The following ADAMTSL1 variants were observed in gnomAD, a reference collection of about 807,000 sequenced individuals.
The protein encoded by ADAMTSL1 is ADAMTS like 1, also known as ADAMTS-like protein 1.
Under a neutral mutation model 201.8 loss-of-function variants are expected in ADAMTSL1, and 126 were observed. The observed-to-expected ratio is 0.62, with a 90% CI of 0.54 to 0.72. The LOEUF (loss-of-function observed/expected upper bound fraction) is 0.72, where lower values mean the gene tolerates loss of function less well. ADAMTSL1 is among the 30% of genes least tolerant of loss of function. The probability of loss-of-function intolerance (pLI) is 0.00; values close to 1 mark genes in which losing one functional copy is unlikely to be tolerated. For missense variants in ADAMTSL1, 2,679 were observed against 2,277.8 expected (o/e 1.18, Z -3.59); for synonymous variants, 1,121 against 903.4 (o/e 1.24, Z -4.32).
chr9:18,107,090 A>G (rs1250682135), intron 1 of ADAMTSL1, among the ~76,000 whole-genome samples: 2 of 152,050 alleles, frequency 1.3e-5, no homozygotes, highest in East Asian at 3.8e-4. Context: ...CTTTTCTTAT[A>G]TCTGTTATTA....
At chr9:18,907,856 T>C (rs1432583065) in intron 28 of ADAMTSL1, 1 of 163,608 alleles carries the variant, frequency 6.1e-6, no homozygotes, top group Non-Finnish European at 1.3e-5. Flanking sequence ...AACACTGAAC[T>C]AGAACGTCCT....
chr9:18,423,467 C>G (rs750036989), intron 2 of ADAMTSL1, among the ~76,000 whole-genome samples: 2 of 152,160 alleles, frequency 1.3e-5, no homozygotes, highest in Non-Finnish European at 2.9e-5. Context: ...TACTCAGTCT[C>G]TTTCTTTGGT....
Position 18,706,758 on chromosome 9 carries a change from A to AGGCCTGGTC in ADAMTSL1, c.1593_1601dup (p.Trp531_Ala533dup). ...CTTGCCGACTGCAGGTTCATCCCAG[A>AGGCCTGGTC]GGCCTGGTCGGCCTGCACAGTCACC... On this transcript the variant is annotated inframe_insertion, in exon 14 of 29. Coordinates refer to ENST00000380548, the MANE Select transcript of ADAMTSL1 (RefSeq NM_001040272.6). 1 of 1,602,740 alleles carries AGGCCTGGTC rather than the reference A, an allele frequency of 6.2e-7. No homozygotes were observed. The highest frequency in any genetic ancestry group is 8.5e-7 in the Non-Finnish European group (1 of 1,174,252).
At chr9:18,626,900 T>C (rs1440291733) in intron 5 of ADAMTSL1, among the ~76,000 whole-genome samples, 1 of 150,434 alleles carries the variant, frequency 6.6e-6, no homozygotes, top group Non-Finnish European at 1.5e-5. Context: ...CCTTCCTTCC[T>C]TTCTTTCTTT....
intron 17 of ADAMTSL1, among the ~76,000 whole-genome samples, chr9:18,775,349 T>C (rs1820914022): frequency 6.6e-6 from 1 of 152,242 alleles, no homozygotes; most frequent in Non-Finnish European, 1.5e-5. Context: ...CATTTCTATG[T>C]ATGGCATTTA....
intron 2 of ADAMTSL1, among the ~76,000 whole-genome samples, chr9:18,381,361 A>G (rs543444217): frequency 6.6e-6 from 1 of 152,200 alleles, no homozygotes; most frequent in Non-Finnish European, 1.5e-5. Flanking sequence ...TGTCCCAGGT[A>G]CTGTTTGGAT....
intron 13 of ADAMTSL1, among the ~76,000 whole-genome samples, chr9:18,705,162 A>G (rs143897424): frequency 6.6e-6 from 1 of 152,272 alleles, no homozygotes; most frequent in East Asian, 1.9e-4. Flanking sequence ...CCAGATCTGA[A>G]CCATTTGCAC....
chr9:18,887,042 A>G (rs1480189479), intron 23 of ADAMTSL1, among the ~76,000 whole-genome samples: 1 of 152,204 alleles, frequency 6.6e-6, no homozygotes, highest in East Asian at 1.9e-4. Context: ...TTTAATTTTC[A>G]ATGACTTACT....
intron 2 of ADAMTSL1, among the ~76,000 whole-genome samples, chr9:18,372,047 T>A (rs1837066463): frequency 6.6e-6 from 1 of 152,226 alleles, no homozygotes; most frequent in Admixed American, 6.5e-5. Context: ...AAGATTTGGC[T>A]TGAATAACAA....
At chr9:18,391,888 G>C (rs1031588460) in intron 2 of ADAMTSL1, among the ~76,000 whole-genome samples, 1 of 130,308 alleles carries the variant, frequency 7.7e-6, no homozygotes, top group Non-Finnish European at 1.5e-5. Flanking sequence ...GCAGTGGCAT[G>C]ATCTTGGCTC....
At chr9:17,940,371 G>A (rs1411967786) in intron 1 of ADAMTSL1, among the ~76,000 whole-genome samples, 1 of 152,088 alleles carries the variant, frequency 6.6e-6, no homozygotes, top group Non-Finnish European at 1.5e-5. Context: ...GAACGGAAAG[G>A]ACAAACTTCT....
chr9:18,257,664 C>G (rs1227122187), intron 2 of ADAMTSL1, among the ~76,000 whole-genome samples: 1 of 152,154 alleles, frequency 6.6e-6, no homozygotes, highest in African/African-American at 2.4e-5. Context: ...TATCATCCAG[C>G]TATATTCTCT....
At chr9:18,568,536 C>T (rs1822083955) in intron 3 of ADAMTSL1, among the ~76,000 whole-genome samples, 2 of 152,044 alleles carry the variant, frequency 1.3e-5, no homozygotes, top group Non-Finnish European at 2.9e-5. Context: ...GGTAAATTTC[C>T]ACGTATGTTT....
intron 7 of ADAMTSL1, among the ~76,000 whole-genome samples, chr9:18,651,980 T>C (rs902315877): frequency 6.6e-6 from 1 of 152,024 alleles, no homozygotes. Flanking sequence ...TCCTATATAG[T>C]ATCTTCCCTC....
At chr9:18,270,080 G>A (rs1301221164) in intron 2 of ADAMTSL1, among the ~76,000 whole-genome samples, 1 of 151,972 alleles carries the variant, frequency 6.6e-6, no homozygotes, top group Non-Finnish European at 1.5e-5. Context: ...CATTGATTGG[G>A]GAGCTTCTAA....
chr9:18,064,210 A>G (rs1369129947), intron 1 of ADAMTSL1, among the ~76,000 whole-genome samples: 1 of 152,074 alleles, frequency 6.6e-6, no homozygotes, highest in Non-Finnish European at 1.5e-5. Flanking sequence ...TCAAAAGAGC[A>G]AGGAGAAGGG....
In ADAMTSL1 at chr9:18,651,495, A is replaced by G. The variant is rs1397441290; in HGVS notation, c.835-6144A>G. 3 of 152,268 alleles carry G rather than the reference A, an allele frequency of 2.0e-5. No individual in the cohort carries two copies. In the East Asian group the frequency reaches 5.8e-4, roughly 29 times the overall value. The allele number at this position is 152,268 out of a possible 1,614,324, so 9.4% of individuals were successfully genotyped here. A position where few individuals can be genotyped will look rare whatever the true frequency, so the allele number is the denominator to read the frequency against. On this transcript the variant is annotated intron_variant, in intron 7 of 28. Coordinates refer to ENST00000380548, the MANE Select transcript of ADAMTSL1 (RefSeq NM_001040272.6). Reference sequence around the variant, plus strand: ...CGATGAATATCTAAGCTACCAAAGTAGCAGAAACACACAGCAGAAGAGAAA... The same window carrying G: ...CGATGAATATCTAAGCTACCAAAGTGGCAGAAACACACAGCAGAAGAGAAA...
chr9:18,290,695 G>C (rs1343015831), intron 2 of ADAMTSL1, among the ~76,000 whole-genome samples: 1 of 151,746 alleles, frequency 6.6e-6, no homozygotes, highest in Non-Finnish European at 1.5e-5. Context: ...AATGAAAGAA[G>C]GAATCACCAC....
intron 1 of ADAMTSL1, among the ~76,000 whole-genome samples, chr9:18,151,693 G>C (rs890360258): frequency 6.6e-6 from 1 of 151,990 alleles, no homozygotes; most frequent in African/African-American, 2.4e-5. Context: ...AACATAGTAA[G>C]AAAGGTAAGA....
Sources: allele counts gnomAD v4.1 joint callset (sites outside exome capture counted in the v4.1 genomes callset), GRCh38; gene constraint gnomAD v4.1.1; transcripts MANE v1.5; gene names NCBI Gene and HGNC (gene_info 2026-07-23, HGNC 2026-07-21).